CMKLR1: variants seen among roughly 807,000 people sequenced by gnomAD.
CMKLR1 encodes chemerin chemokine-like receptor 1.
Under a neutral mutation model 8.2 loss-of-function variants are expected in CMKLR1, and 6 were observed. The observed-to-expected ratio is 0.73, with a 90% confidence interval of 0.40 to 1.44. The LOEUF (loss-of-function observed/expected upper bound fraction) is 1.44. Among genes scored for constraint, CMKLR1 ranks in the 40% most tolerant of loss-of-function variants. The pLI is 0.02. For synonymous variants in CMKLR1, 178 were observed against 181.2 expected, an observed-to-expected ratio of 0.98 and a Z score of 0.14; for missense variants, 429 against 478.0, an observed-to-expected ratio of 0.90 and a Z score of 0.96.
At chr12:108,299,379 T>C (rs1239531995) in intron 2 of CMKLR1, among the ~76,000 whole-genome samples, 1 of 152,196 alleles carries the variant, frequency 6.6e-6, no homozygotes. Context: ...TAGGAGTTTC[T>C]ACTCCCTTTT....
chr12:108,338,792 T>A (rs950808636), intron 1 of CMKLR1, among the ~76,000 whole-genome samples: 1 of 152,254 alleles, frequency 6.6e-6, no homozygotes, highest in Non-Finnish European at 1.5e-5. Flanking sequence ...AATCTGTGGT[T>A]AAGCAGGTTA....
At position 108,292,539 on chromosome 12, in the gene CMKLR1, G is replaced by A. The variant is rs61740671; in HGVS notation, c.424C>T (p.Leu142Phe). The A allele has an allele frequency of 0.013, 20,515 of 1,614,210 alleles. 157 individuals carry two copies. Among genetic ancestry groups the A allele is most frequent in the Non-Finnish European group, 0.014 (16,962 of 1,180,046 alleles). ...IISSDRCISVLLPVWSQNHRS... is the reference protein window; with the variant it reads ...IISSDRCISVFLPVWSQNHRS... Reference sequence around the variant, plus strand: ...TGGTTCTGGGACCAGACAGGGAGGAGCACAGAGATGCAGCGGTCAGAGCTG... The same window carrying A: ...TGGTTCTGGGACCAGACAGGGAGGAACACAGAGATGCAGCGGTCAGAGCTG... The change falls in exon 4 of 4, where the codon CTC becomes TTC. Residue 142 changes from leucine to phenylalanine, a missense_variant. Coordinates refer to ENST00000550402, the MANE Select transcript of CMKLR1 (RefSeq NM_001142343.2).
chr12:108,323,335 T>C (rs1426756389), intron 2 of CMKLR1, among the ~76,000 whole-genome samples: 1 of 143,366 alleles, frequency 7.0e-6, no homozygotes, highest in Admixed American at 7.5e-5. Flanking sequence ...TGATTTTCCC[T>C]TTTTTATTTT....
rs1453282587 is a variant in CMKLR1, at chr12:108,290,657, C to T, written c.*1184G>A. ...TAAATGGGGCTATGACACTCTGTGG[C>T]CACAGGGACGTGTCAGTATTAGATG... On this transcript the variant is annotated 3_prime_UTR_variant, in exon 4 of 4. Coordinates refer to ENST00000550402, the MANE Select transcript of CMKLR1 (RefSeq NM_001142343.2). 4.6e-5 allele frequency: 7 copies of T among 152,174 alleles called. No individual in the cohort carries two copies. Among genetic ancestry groups the T allele is most frequent in the Non-Finnish European group, 1.0e-4 (7 of 68,050 alleles). The allele number at this position is 152,174 out of a possible 1,614,324, so 9.4% of individuals were successfully genotyped here.
intron 2 of CMKLR1, among the ~76,000 whole-genome samples, chr12:108,325,477 A>C (rs571333577): frequency 6.6e-6 from 1 of 152,312 alleles, no homozygotes; most frequent in Non-Finnish European, 1.5e-5. Context: ...TATCAGCCCA[A>C]TTCCAACTTC....
intron 2 of CMKLR1, among the ~76,000 whole-genome samples, chr12:108,321,147 T>A (rs1047328593): frequency 2.0e-5 from 3 of 152,168 alleles, no homozygotes; most frequent in African/African-American, 7.2e-5. Context: ...TGAGGCCATA[T>A]CCTCAATAAC....
chr12:108,307,460 A>C (rs949616493), intron 2 of CMKLR1, among the ~76,000 whole-genome samples: 4 of 152,160 alleles, frequency 2.6e-5, no homozygotes, highest in African/African-American at 9.7e-5. Context: ...AGATACCTGA[A>C]AAGTGGCAAC....
chr12:108,336,665 C>T (rs1892233314), intron 1 of CMKLR1, among the ~76,000 whole-genome samples: 2 of 152,150 alleles, frequency 1.3e-5, no homozygotes, highest in Admixed American at 1.3e-4. Context: ...TGTCTGCACC[C>T]ATGTGGTGTA....
intron 2 of CMKLR1, among the ~76,000 whole-genome samples, chr12:108,326,692 G>C (rs758876005): frequency 4.6e-5 from 7 of 152,146 alleles, no homozygotes; most frequent in African/African-American, 7.2e-5. Context: ...TGATGTCTTT[G>C]AGCCTCAGTC....
At chr12:108,293,095 CTATTT>C (rs1891041195) in intron 3 of CMKLR1, 136 bp from the exon 4 acceptor site, 3 of 806,212 alleles carry the variant, frequency 3.7e-6, no homozygotes, top group Non-Finnish European at 5.8e-6. Context: ...TCCTTCTTTG[CTATTT>C]TATTTATTGA....
chr12:108,297,255 C>A (rs1403051805), intron 2 of CMKLR1, among the ~76,000 whole-genome samples: 2 of 152,218 alleles, frequency 1.3e-5, no homozygotes, highest in East Asian at 3.8e-4. Flanking sequence ...AATATATTCT[C>A]TCTTCCTTAT....
At chr12:108,320,791 A>G (rs1486138822) in intron 2 of CMKLR1, 1 of 152,344 alleles carries the variant, frequency 6.6e-6, no homozygotes, top group Non-Finnish European at 1.5e-5. Flanking sequence ...TCGTTCTACA[A>G]GAGGAATAGA....
intron 2 of CMKLR1, chr12:108,317,814 G>T (rs902137892): frequency 2.0e-5 from 3 of 152,186 alleles, no homozygotes; most frequent in Non-Finnish European, 4.4e-5. Context: ...AGATTAGAAT[G>T]AAAAATCTTG....
At chr12:108,321,903 G>T (rs574359557) in intron 2 of CMKLR1, among the ~76,000 whole-genome samples, 1 of 152,278 alleles carries the variant, frequency 6.6e-6, no homozygotes, top group South Asian at 2.1e-4. Context: ...TGGAGGTAGG[G>T]CCTAAGGGCA....
chr12:108,322,342 G>A (rs1891881385), intron 2 of CMKLR1, among the ~76,000 whole-genome samples: 1 of 152,144 alleles, frequency 6.6e-6, no homozygotes, highest in Admixed American at 6.5e-5. Flanking sequence ...GAGACACTGG[G>A]GTCCATATGT....
intron 2 of CMKLR1, among the ~76,000 whole-genome samples, chr12:108,316,631 G>A (rs568212327): frequency 1.9e-4 from 29 of 152,206 alleles, no homozygotes; most frequent in Admixed American, 6.5e-4. Flanking sequence ...GGAGCCACCC[G>A]GTGTGGGCAG....
chr12:108,305,857 T>C (rs1891393513), intron 2 of CMKLR1, among the ~76,000 whole-genome samples: 1 of 152,094 alleles, frequency 6.6e-6, no homozygotes, highest in Non-Finnish European at 1.5e-5. Context: ...CGACGGAGCT[T>C]AGGACTCCAT....
chr12:108,331,980 G>A (rs1413043984), intron 1 of CMKLR1, among the ~76,000 whole-genome samples: 1 of 152,170 alleles, frequency 6.6e-6, no homozygotes, highest in African/African-American at 2.4e-5. Flanking sequence ...GCAGTAACAG[G>A]AAACATATAC....
intron 2 of CMKLR1, among the ~76,000 whole-genome samples, chr12:108,327,174 T>C (rs71454728): frequency 1.7e-3 from 265 of 151,986 alleles, no homozygotes; most frequent in Non-Finnish European, 3.2e-3. Flanking sequence ...GAGAGGGGGG[T>C]TGGCTAAGAA....
Sources: allele counts gnomAD v4.1 joint callset (sites outside exome capture counted in the v4.1 genomes callset), GRCh38; gene constraint gnomAD v4.1.1; transcripts MANE v1.5; gene names NCBI Gene and HGNC (gene_info 2026-07-23, HGNC 2026-07-21).